LTA4H: variants seen among roughly 807,000 people sequenced by gnomAD.
The protein encoded by LTA4H is leukotriene A-4 hydrolase.
Under a neutral mutation model 89.8 loss-of-function variants are expected in LTA4H, and 59 were observed. The observed-to-expected ratio is 0.66, with a 90% CI of 0.53 to 0.82. The LOEUF (loss-of-function observed/expected upper bound fraction) is 0.82, where lower values mean the gene tolerates loss of function less well. LTA4H is among the 40% of genes least tolerant of loss of function. LTA4H has a pLI of 0.00. For missense variants in LTA4H, 617 were observed against 727.0 expected (o/e 0.85, Z 1.74); for synonymous variants, 227 against 253.1 (o/e 0.90, Z 0.98).
intron 7 of LTA4H, 48 bp from the exon 8 acceptor site, chr12:96,018,951 G>C: frequency 6.8e-7 from 1 of 1,469,324 alleles, no homozygotes; most frequent in Non-Finnish European, 9.2e-7. Flanking sequence ...TATCACCATT[G>C]TACATTTCTT....
At chr12:96,013,615 G>C (rs1950335865) in intron 13 of LTA4H, 135 bp downstream of exon 13, 1 of 605,756 alleles carries the variant, frequency 1.7e-6, no homozygotes, top group Non-Finnish European at 2.9e-6. Flanking sequence ...ATTTAAAATA[G>C]AAAAAATATG....
rs751881784 is a variant in LTA4H, at chr12:96,027,495, A to C, written c.360T>G (p.Thr120=). ...GTTCCTTCCCAGAAGTCTGTTCAGG[A>C]GTGAGCCACTGGAGAGCAGAAGATT... ...SPKSSALQWL[T]PEQTSGKEHP... The change falls in exon 3 of 19, where the codon ACT becomes ACG. Residue 120 remains threonine, a synonymous_variant. Coordinates refer to ENST00000228740, the MANE Select transcript of LTA4H (RefSeq NM_000895.3). 6.2e-7 allele frequency: 1 copy of C among 1,612,538 alleles called. No homozygotes were observed. Among genetic ancestry groups the C allele is most frequent in the Non-Finnish European group, 8.5e-7 (1 of 1,178,990 alleles).
chr12:96,006,467 G>A, intron 15 of LTA4H, 58 bp from the exon 16 acceptor site: 2 of 950,590 alleles, frequency 2.1e-6, no homozygotes, highest in Non-Finnish European at 3.2e-6. Flanking sequence ...ATACTTATTG[G>A]TTTATCTGAC....
At chr12:96,011,603 T>G (rs536983956) in intron 14 of LTA4H, 3 of 152,320 alleles carry the variant, frequency 2.0e-5, no homozygotes, top group African/African-American at 7.2e-5. Context: ...AAAAAATACT[T>G]TTCATTGTAT....
chr12:96,016,491 G>A (rs1280144616), intron 10 of LTA4H, among the ~76,000 whole-genome samples: 1 of 151,140 alleles, frequency 6.6e-6, no homozygotes, highest in Non-Finnish European at 1.5e-5. Flanking sequence ...TGCGCCTTTA[G>A]TCTCAGCCAC....
At chr12:96,003,085 G>A (rs1333616832) in intron 17 of LTA4H, 21 bp from the exon 18 acceptor site, 1 of 1,511,568 alleles carries the variant, frequency 6.6e-7, no homozygotes, top group South Asian at 1.2e-5. Flanking sequence ...GATTTGGGGG[G>A]AGCATGGAGT....
In LTA4H at chr12:96,022,660, A is replaced by T. The variant is rs995789295; in HGVS notation, c.481-409T>A. 3.9e-5 allele frequency among the ~76,000 whole-genome samples: 6 copies of T among 152,162 alleles called. No individual in the cohort carries two copies. The highest frequency in any genetic ancestry group is 5.9e-5 in the Non-Finnish European group (4 of 68,006). On this transcript the variant is annotated intron_variant, in intron 4 of 18. Transcript: ENST00000228740. The surrounding 1 kb of genome is among the most constrained non-coding windows in gnomAD (Gnocchi z 4.0). ...TAAAATCCCAGCTCTGCCACCTAAT[A>T]ACTAACTGCACAAACTTGGGCAAAT...
chr12:96,040,219 G>A (rs569229644), upstream of LTA4H, among the ~76,000 whole-genome samples: 5 of 152,300 alleles, frequency 3.3e-5, no homozygotes, highest in East Asian at 5.8e-4. Flanking sequence ...AGATGTGTTT[G>A]GGAAAGAACA....
At chr12:96,009,941 G>A (rs1426063355) in intron 14 of LTA4H, 1 of 152,090 alleles carries the variant, frequency 6.6e-6, no homozygotes, top group African/African-American at 2.4e-5. Context: ...GTTGTGACTG[G>A]GACTCCGTTT....
chr12:96,009,304 A>T, intron 14 of LTA4H, 156 bp from the exon 15 acceptor site: 1 of 597,998 alleles, frequency 1.7e-6, no homozygotes, highest in Non-Finnish European at 3.0e-6. Context: ...CCTAACTTAC[A>T]TACTACTGGC....
intron 5 of LTA4H, among the ~76,000 whole-genome samples, chr12:96,021,718 C>G (rs548409020): frequency 6.6e-6 from 1 of 152,054 alleles, no homozygotes; most frequent in South Asian, 2.1e-4. Context: ...CATGCATACA[C>G]ATTCTGTTCA....
chr12:96,015,597 C>T lies in LTA4H; in HGVS notation c.1045G>A (p.Glu349Lys), dbSNP rs1480145641. Reference sequence around the variant, plus strand: ...GACTCCTTTACCGAATTCTGTAGTTCTCCCCATCCTCCCAGAGCATTAAAA... The same window carrying T: ...GACTCCTTTACCGAATTCTGTAGTTTTCCCCATCCTCCCAGAGCATTAAAA... ...RHFNALGGWGELQNSVKTFGE... is the reference protein window; with the variant it reads ...RHFNALGGWGKLQNSVKTFGE... The change falls in exon 11 of 19, where the codon GAA (glutamate) becomes AAA (lysine). Residue 349 changes from glutamate (E) to lysine (K), a missense_variant. Glu to Lys is a moderately conservative substitution (Grantham distance 56). Transcript: ENST00000228740. The T allele has an allele frequency of 6.2e-7, 1 of 1,612,282 alleles. No individual in the cohort carries two copies. Among genetic ancestry groups the T allele is most frequent in the African/African-American group, 1.3e-5 (1 of 74,854 alleles).
chr12:96,018,560 A>C (rs2540494), intron 8 of LTA4H, among the ~76,000 whole-genome samples: 53,417 of 151,932 alleles, frequency 0.35, 9,471 homozygotes, highest in South Asian at 0.44. Flanking sequence ...AAAACAACAA[A>C]AAAAAAATGA....
rs891453730 is a variant in LTA4H at position 96,003,004 on chromosome 12, C to T, written c.1674G>A (p.Met558Ile). The T allele has an allele frequency of 5.6e-6, 9 of 1,606,064 alleles. No homozygotes were observed. The highest frequency in any genetic ancestry group is 3.3e-4 in the Middle Eastern group (2 of 6,058). Residue 558 changes from methionine to isoleucine, a missense_variant, in exon 18 of 19, where the codon ATG becomes ATA. Coordinates refer to ENST00000228740, the MANE Select transcript of LTA4H (RefSeq NM_000895.3). ...ACTTCATTCTTCCTTGTTCAGTTGC[C>T]ATCTTTAGCGCCAAAGGAATTGCGT... is the stretch of plus-strand genomic sequence containing the variant. ...WEDAIPLALK[M>I]ATEQGRMKFT...
rs201072252 is a variant in LTA4H at position 96,001,121 on chromosome 12, A to G, written c.1719-15T>C. 1.3e-6 allele frequency: 2 copies of G among 1,552,346 alleles called. No individual in the cohort carries two copies. Among genetic ancestry groups the G allele is most frequent in the East Asian group, 4.5e-5 (2 of 44,586 alleles). ...CAGCAAGATCCCTGCCAAAAAAGAA[A>G]AAATTGAAAAGAAAGAAAGGCGAGA... On this transcript the variant is annotated splice_polypyrimidine_tract_variant and intron_variant, in intron 18 of 18. Coordinates refer to ENST00000228740, the MANE Select transcript of LTA4H (RefSeq NM_000895.3).
Position 96,000,791 on chromosome 12 carries a change from G to T in LTA4H, c.*198C>A. The T allele has an allele frequency of 2.3e-6, 1 of 430,828 alleles. No homozygotes were observed. 26.7% of individuals were successfully genotyped at this position (430,828 alleles called of 1,614,324 possible). A position where few individuals can be genotyped will look rare whatever the true frequency, so the allele number is the denominator to read the frequency against. ...AAATTTTTTAATTTGTAAATCAAAAGATTAAACCTTGTTAAAATTTACAAA... is the reference window on the plus strand; with the variant it reads ...AAATTTTTTAATTTGTAAATCAAAATATTAAACCTTGTTAAAATTTACAAA... On this transcript the variant is annotated 3_prime_UTR_variant, in exon 19 of 19. Coordinates refer to ENST00000228740, the MANE Select transcript of LTA4H (RefSeq NM_000895.3).
rs566067373 is a variant in LTA4H, at chr12:96,023,458, T to G, written c.480+1021A>C. Among the ~76,000 whole-genome samples, 12 of 152,246 alleles carry G rather than the reference T, an allele frequency of 7.9e-5. No homozygotes were observed. The South Asian group carries it at 2.5e-3, about 32-fold the overall frequency. ...CTTGAACTTCTGAGTTCAAGTGATC[T>G]TCCCACCTCAGCCTCCCAAGTAGTT... On this transcript the variant is annotated intron_variant, in intron 4 of 18. Transcript: ENST00000228740.
chr12:96,022,036 C>G lies in LTA4H; in HGVS notation c.585+111G>C. The G allele has an allele frequency of 6.0e-6, 4 of 667,616 alleles. No individual in the cohort carries two copies. The South Asian group carries it at 7.5e-5, about 13-fold the overall frequency. 41.4% of individuals were successfully genotyped at this position (667,616 alleles called of 1,614,324 possible). A position where few individuals can be genotyped will look rare whatever the true frequency, so the allele number is the denominator to read the frequency against. ...AAATGAAGAAAACAAAAACCAAAAG[C>G]TGTTCTCAAAATTCTGAAATATTTC... On this transcript the variant is annotated intron_variant, in intron 5 of 18. Transcript: ENST00000228740. The surrounding 1 kb of genome is among the most constrained non-coding windows in gnomAD (Gnocchi z 4.0).
At position 96,013,800 on chromosome 12, in the gene LTA4H, T is replaced by C. The variant is rs763238840; in HGVS notation, c.1258A>G (p.Ile420Val). 5 of 1,591,556 alleles carry C rather than the reference T, an allele frequency of 3.1e-6. No homozygotes were observed. In the South Asian group the frequency reaches 5.6e-5, roughly 18 times the overall value. ...AYVEKFSYKS[I>V]TTDDWKDFLY... Reference sequence around the variant, plus strand: ...AAATCCTTCCAGTCATCAGTAGTTATGCTCTTATAGGAAAACTTCTCAACA... The same window carrying C: ...AAATCCTTCCAGTCATCAGTAGTTACGCTCTTATAGGAAAACTTCTCAACA... Residue 420 changes from isoleucine to valine, a missense_variant, in exon 13 of 19, where the codon ATA (isoleucine) becomes GTA (valine). Ile to Val is a conservative substitution (Grantham distance 29, BLOSUM62 3). Transcript: ENST00000228740.
Sources: allele counts gnomAD v4.1 joint callset (sites outside exome capture counted in the v4.1 genomes callset), GRCh38; gene constraint gnomAD v4.1.1; non-coding constraint Gnocchi (gnomAD v3.1); transcripts MANE v1.5; gene names NCBI Gene and HGNC (gene_info 2026-07-23, HGNC 2026-07-21).